Variants in CCSER1 observed in about 807,000 individuals in gnomAD.
The protein encoded by CCSER1 is coiled-coil serine rich protein 1.
CCSER1 carries 41 observed loss-of-function variants against 82.0 expected under a neutral mutation model. The observed-to-expected ratio is 0.50, with a 90% CI of 0.39 to 0.65. CCSER1 has a LOEUF of 0.65. Among genes scored for constraint, CCSER1 ranks in the 30% least tolerant of loss-of-function variants. The pLI, the probability that CCSER1 is intolerant of heterozygous loss-of-function variation, is 0.00. For synonymous variants in CCSER1, 414 were observed against 383.9 expected (o/e 1.08, Z -0.92); for missense variants, 1,119 against 1,064.2 (o/e 1.05, Z -0.72).
chr4:90,220,383 C>A (rs1321724472), intron 1 of CCSER1, among the ~76,000 whole-genome samples: 2 of 151,570 alleles, frequency 1.3e-5, no homozygotes, highest in Admixed American at 6.6e-5. Context: ...GGGGCTTATT[C>A]TTCTATGATT....
At chr4:91,250,317 T>G (rs2149144936) in intron 10 of CCSER1, among the ~76,000 whole-genome samples, 1 of 152,304 alleles carries the variant, frequency 6.6e-6, no homozygotes, top group Admixed American at 6.5e-5. Flanking sequence ...CTCTGTGTTT[T>G]ATTATATGGA....
intron 5 of CCSER1, among the ~76,000 whole-genome samples, chr4:90,613,225 A>T (rs1021277931): frequency 6.6e-6 from 1 of 152,214 alleles, no homozygotes; most frequent in Non-Finnish European, 1.5e-5. Flanking sequence ...GAAGAGGCAC[A>T]CAGAAATGAA....
At chr4:91,458,332 T>C (rs535262011) in intron 10 of CCSER1, among the ~76,000 whole-genome samples, 1 of 152,252 alleles carries the variant, frequency 6.6e-6, no homozygotes, top group East Asian at 1.9e-4. Context: ...TGGCTGTAAA[T>C]ATGTGGATTT....
chr4:91,430,469 C>G (rs925391359), intron 10 of CCSER1, among the ~76,000 whole-genome samples: 11 of 152,164 alleles, frequency 7.2e-5, no homozygotes, highest in Non-Finnish European at 1.6e-4. Context: ...TACAATGCAC[C>G]AGTATGCACA....
chr4:91,517,906 G>A (rs945977181), intron 10 of CCSER1, among the ~76,000 whole-genome samples: 2 of 151,982 alleles, frequency 1.3e-5, no homozygotes, highest in African/African-American at 2.4e-5. Context: ...TTCACAGGGG[G>A]GGTATGATAG....
intron 9 of CCSER1, among the ~76,000 whole-genome samples, chr4:90,932,238 G>C (rs1028948324): frequency 6.6e-6 from 1 of 152,044 alleles, no homozygotes; most frequent in African/African-American, 2.4e-5. Flanking sequence ...GCATTTCAGA[G>C]TACTGAAAGC....
intron 8 of CCSER1, among the ~76,000 whole-genome samples, chr4:90,837,457 C>T (rs530751712): frequency 2.6e-5 from 4 of 152,278 alleles, no homozygotes; most frequent in Admixed American, 2.6e-4. Context: ...CAGCCCTCTG[C>T]AAATTCTTTT....
At chr4:90,483,846 G>A (rs535125833) in intron 5 of CCSER1, among the ~76,000 whole-genome samples, 4 of 152,078 alleles carry the variant, frequency 2.6e-5, no homozygotes, top group Non-Finnish European at 4.4e-5. Context: ...TGACAATTAT[G>A]TATCTTGGAG....
intron 10 of CCSER1, among the ~76,000 whole-genome samples, chr4:91,290,598 T>G (rs1359450294): frequency 6.6e-6 from 1 of 152,002 alleles, no homozygotes; most frequent in Non-Finnish European, 1.5e-5. Context: ...ATGAATGATC[T>G]AGTACTTCTT....
At chr4:90,843,015 G>A (rs935902307) in intron 8 of CCSER1, among the ~76,000 whole-genome samples, 11 of 152,090 alleles carry the variant, frequency 7.2e-5, no homozygotes, top group African/African-American at 2.7e-4. Context: ...TAGTTTGAAG[G>A]GGATGACATC....
chr4:91,150,202 G>A (rs1334164388), intron 10 of CCSER1, among the ~76,000 whole-genome samples: 4 of 152,126 alleles, frequency 2.6e-5, no homozygotes, highest in South Asian at 2.1e-4. Context: ...CACATCCCTT[G>A]TAAGTTGGAT....
intron 6 of CCSER1, among the ~76,000 whole-genome samples, chr4:90,705,727 T>A (rs1023895859): frequency 1.3e-5 from 2 of 152,222 alleles, no homozygotes; most frequent in East Asian, 3.9e-4. Context: ...CTCAGGCTGC[T>A]GTGCTAGCAA....
chr4:90,703,515 T>C (rs992612050), intron 6 of CCSER1, among the ~76,000 whole-genome samples: 2 of 152,164 alleles, frequency 1.3e-5, no homozygotes, highest in African/African-American at 2.4e-5. Context: ...TGAGTTCAAT[T>C]CCTGGATATC....
rs143151647 is a variant in CCSER1, at chr4:91,020,018, T to C, written c.2173-65932T>C. Among the ~76,000 whole-genome samples the C allele has an allele frequency of 9.3e-4, 141 of 152,314 alleles. 1 individual carries two copies. The East Asian group carries it at 0.023, about 25-fold the overall frequency. On this transcript the variant is annotated intron_variant, in intron 9 of 10. Coordinates refer to ENST00000509176, the MANE Select transcript of CCSER1 (RefSeq NM_001145065.2). Reference sequence around the variant, plus strand: ...AATAGAAATTGTCATGAACTTTAATTAAATGAGAGTTAATCAGAGCTCCCA... The same window carrying C: ...AATAGAAATTGTCATGAACTTTAATCAAATGAGAGTTAATCAGAGCTCCCA...
intron 9 of CCSER1, among the ~76,000 whole-genome samples, chr4:90,989,790 A>G (rs187021950): frequency 3.3e-5 from 5 of 151,956 alleles, no homozygotes; most frequent in Admixed American, 2.0e-4. Context: ...GTTGAAAACC[A>G]CTAAAAAAAA....
intron 8 of CCSER1, among the ~76,000 whole-genome samples, chr4:90,820,267 C>T (rs1479435308): frequency 6.6e-6 from 1 of 152,098 alleles, no homozygotes; most frequent in East Asian, 1.9e-4. Flanking sequence ...TCAAATAATA[C>T]CACTGTATGT....
intron 10 of CCSER1, among the ~76,000 whole-genome samples, chr4:91,528,701 G>A (rs1295650680): frequency 6.6e-6 from 1 of 152,104 alleles, no homozygotes; most frequent in Non-Finnish European, 1.5e-5. Context: ...CCTTTATTGT[G>A]TAGTAACCCA....
At chr4:91,270,941 G>GA (rs1050899615) in intron 10 of CCSER1, among the ~76,000 whole-genome samples, 11 of 152,092 alleles carry the variant, frequency 7.2e-5, no homozygotes, top group Non-Finnish European at 1.3e-4. Flanking sequence ...TGTGTGTGGG[G>GA]AAAAAAGCCC....
intron 4 of CCSER1, among the ~76,000 whole-genome samples, chr4:90,408,545 A>G (rs539403985): frequency 7.7e-4 from 117 of 152,284 alleles, no homozygotes; most frequent in African/African-American, 2.6e-3. Flanking sequence ...ACCTCCAGTA[A>G]ACTCCAACAG....
Sources: allele counts gnomAD v4.1 joint callset (sites outside exome capture counted in the v4.1 genomes callset), GRCh38; gene constraint gnomAD v4.1.1; transcripts MANE v1.5; gene names NCBI Gene and HGNC (gene_info 2026-07-23, HGNC 2026-07-21).